Variants in CPS1 observed in about 807,000 individuals in gnomAD.
CPS1 encodes carbamoyl-phosphate synthase 1.
In CPS1, 109 loss-of-function variants were observed where a neutral mutation model predicts 174.6. The observed-to-expected ratio is 0.62, with a 90% CI of 0.53 to 0.73. The LOEUF (loss-of-function observed/expected upper bound fraction) is 0.73. Ranked by LOEUF, CPS1 falls within the 30% of genes least tolerant of loss-of-function variation. CPS1 has a pLI of 0.00. For synonymous variants in CPS1, 637 were observed against 632.0 expected (o/e 1.01, Z -0.12); for missense variants, 1,689 against 1,821.9 (o/e 0.93, Z 1.33).
chr2:210,571,139 A>G (rs2106068483), intron 1 of CPS1, among the ~76,000 whole-genome samples: 1 of 152,048 alleles, frequency 6.6e-6, no homozygotes, highest in African/African-American at 2.4e-5. Flanking sequence ...ACTCATAATA[A>G]ATAATAAATA....
chr2:210,543,106 G>A (rs756409072), intron 1 of CPS1, among the ~76,000 whole-genome samples: 1 of 152,154 alleles, frequency 6.6e-6, no homozygotes, highest in Non-Finnish European at 1.5e-5. Context: ...CAGTGGCTGG[G>A]AGAGGGGGGC....
At chr2:210,559,609 A>T (rs1303201806) in intron 1 of CPS1, among the ~76,000 whole-genome samples, 1 of 152,148 alleles carries the variant, frequency 6.6e-6, no homozygotes, top group African/African-American at 2.4e-5. Context: ...TAGATACCAT[A>T]ATCTTTTTCC....
intron 36 of CPS1, 69 bp from the exon 37 acceptor site, chr2:210,676,936 TTA>T (rs1225322934): frequency 3.3e-6 from 5 of 1,497,960 alleles, no homozygotes; most frequent in African/African-American, 1.4e-5. Context: ...AGAGAGCAAT[TTA>T]TGTTAGTATT....
Position 210,503,009 on chromosome 2 carries a change from A to C in CPS1, c.3+25243A>C, listed in dbSNP as rs908897165. 2.6e-5 allele frequency among the ~76,000 whole-genome samples: 4 copies of C among 152,096 alleles called. No individual in the cohort carries two copies. The South Asian group carries it at 8.3e-4, about 32-fold the overall frequency. On this transcript the variant is annotated intron_variant, in intron 1 of 38. Transcript: ENST00000430249. ...GACCCAGGCACTGACCTAATTTTTA[A>C]AAGTTCTGTATATGGTTCTCTTGTG...
Position 210,671,889 on chromosome 2 carries a change from A to G in CPS1, c.4102-3013A>G, listed in dbSNP as rs571844691. On this transcript the variant is annotated intron_variant, in intron 34 of 37. Transcript: ENST00000233072. ...ATTTTACTTTAAAATGGCAAAGAAA[A>G]AAATTACATTCTAGTACTCCTCCCT... The G allele has an allele frequency of 3.9e-5, 6 of 152,314 alleles. No individual in the cohort carries two copies. In the South Asian group the frequency reaches 1.0e-3, roughly 26 times the overall value. The allele number at this position is 152,314 out of a possible 1,614,324, so 9.4% of individuals were successfully genotyped here.
chr2:210,606,622 C>A (rs1698919575), intron 17 of CPS1, 109 bp from the exon 18 acceptor site: 2 of 1,026,778 alleles, frequency 1.9e-6, no homozygotes, highest in Non-Finnish European at 3.0e-6. Context: ...TATATCCCAA[C>A]AAACCCTCAG....
intron 33 of CPS1, among the ~76,000 whole-genome samples, chr2:210,666,791 G>A (rs1240123648): frequency 6.6e-6 from 1 of 152,140 alleles, no homozygotes; most frequent in Non-Finnish European, 1.5e-5. Context: ...TTTGACTTAG[G>A]ATTGACTTGG....
Position 210,526,391 on chromosome 2 carries a change from A to AG in CPS1, c.4-30328_4-30327insG, listed in dbSNP as rs1162569122. On this transcript the variant is annotated intron_variant, in intron 1 of 38. Transcript: ENST00000430249. ...GACCTTAAAATATATTAAAAAAAAA[A>AG]AAGAATGAGTTTTATAAATAGGCTG... Among the ~76,000 whole-genome samples the AG allele has an allele frequency of 3.3e-5, 5 of 152,066 alleles. No individual in the cohort carries two copies. In the East Asian group the frequency reaches 9.7e-4, roughly 30 times the overall value.
intron 1 of CPS1, among the ~76,000 whole-genome samples, chr2:210,486,255 A>G (rs981074910): frequency 6.6e-6 from 1 of 151,702 alleles, no homozygotes; most frequent in Non-Finnish European, 1.5e-5. Flanking sequence ...ACTTAATATT[A>G]TTCATAATAG....
At chr2:210,638,519 A>G (rs1700106513) in intron 22 of CPS1, among the ~76,000 whole-genome samples, 1 of 152,148 alleles carries the variant, frequency 6.6e-6, no homozygotes, top group Non-Finnish European at 1.5e-5. Flanking sequence ...CTTAGGTCTC[A>G]AGCTTTTTGC....
chr2:210,515,611 T>G (rs1559057639), intron 1 of CPS1, among the ~76,000 whole-genome samples: 1 of 151,676 alleles, frequency 6.6e-6, no homozygotes, highest in Admixed American at 6.6e-5. Flanking sequence ...TTAATCTAGG[T>G]AGTGGTCTCT....
chr2:210,653,777 G>A (rs1054156199), intron 28 of CPS1, among the ~76,000 whole-genome samples: 1 of 152,136 alleles, frequency 6.6e-6, no homozygotes, highest in Admixed American at 6.5e-5. Flanking sequence ...CTATACTTGA[G>A]GATTCAGAAC....
chr2:210,616,657 A>G, intron 21 of CPS1, 116 bp downstream of exon 21: 1 of 772,424 alleles, frequency 1.3e-6, no homozygotes, highest in South Asian at 1.4e-5. Context: ...AGATAGTGCC[A>G]TTGTTGGAAA....
intron 19 of CPS1, among the ~76,000 whole-genome samples, chr2:210,609,748 A>G (rs572859684): frequency 1.3e-5 from 2 of 152,008 alleles, no homozygotes; most frequent in Admixed American, 6.6e-5. Context: ...ATATTTTTCC[A>G]TATTGTTCTT....
At chr2:210,629,415 C>T (rs1381842092) in intron 21 of CPS1, among the ~76,000 whole-genome samples, 1 of 151,836 alleles carries the variant, frequency 6.6e-6, no homozygotes, top group African/African-American at 2.4e-5. Flanking sequence ...CCCGGGTTCA[C>T]GCCATTCTCC....
intron 1 of CPS1, among the ~76,000 whole-genome samples, chr2:210,494,211 T>A (rs1028526979): frequency 2.6e-5 from 4 of 152,240 alleles, no homozygotes; most frequent in African/African-American, 9.6e-5. Flanking sequence ...TTGTATAATT[T>A]TATTCTGAAA....
rs71043996 is a variant in CPS1 at position 210,512,736 on chromosome 2, TTATATATATATATATATATATATA to T, written c.3+34996_3+35019del. On this transcript the variant is annotated intron_variant, in intron 1 of 38. Coordinates refer to the CPS1 transcript ENST00000430249. Reference sequence around the variant, plus strand: ...GATACATACATATCCTCCAGTAGTTTTATATATATATATATATATATATATATATATATATATATATATATATAT... The same window carrying T: ...GATACATACATATCCTCCAGTAGTTTTATATATATATATATATATATATAT... 3.9e-3 allele frequency among the ~76,000 whole-genome samples: 184 copies of T among 46,748 alleles called. 14 individuals carry two copies. Among genetic ancestry groups the T allele is most frequent in the African/African-American group, 0.014 (136 of 9,546 alleles). 30.7% of individuals were successfully genotyped at this position (46,748 alleles called of 152,430 possible).
At chr2:210,559,171 A>G (rs765507288) in intron 1 of CPS1, among the ~76,000 whole-genome samples, 13 of 152,150 alleles carry the variant, frequency 8.5e-5, no homozygotes, top group Non-Finnish European at 1.8e-4. Context: ...AGATAGTTAA[A>G]ATCATTAGGA....
intron 1 of CPS1, among the ~76,000 whole-genome samples, chr2:210,487,045 C>A (rs950021316): frequency 1.3e-5 from 2 of 151,242 alleles, no homozygotes; most frequent in African/African-American, 4.9e-5. Flanking sequence ...ATGAATTGTG[C>A]TGTCTACACA....
Sources: allele counts gnomAD v4.1 joint callset (sites outside exome capture counted in the v4.1 genomes callset), GRCh38; gene constraint gnomAD v4.1.1; transcripts MANE v1.5; gene names NCBI Gene and HGNC (gene_info 2026-07-23, HGNC 2026-07-21).